Variants in EML4 observed in about 807,000 individuals in gnomAD.
The protein encoded by EML4 is echinoderm microtubule-associated protein-like 4.
In EML4, 72 loss-of-function variants were observed where a neutral mutation model predicts 129.0. That is an observed-to-expected ratio of 0.56 (90% CI 0.46 to 0.68). The LOEUF (loss-of-function observed/expected upper bound fraction) is 0.68, where lower values mean the gene tolerates loss of function less well. EML4 is among the 30% of genes least tolerant of loss of function. The pLI is 0.00. For missense variants in EML4, 1,363 were observed against 1,190.6 expected (o/e 1.14, Z -2.13); for synonymous variants, 532 against 405.0 (o/e 1.31, Z -3.77).
chr2:42,328,329 T>G (rs1401359669), intron 21 of EML4, among the ~76,000 whole-genome samples: 1 of 152,198 alleles, frequency 6.6e-6, no homozygotes, highest in East Asian at 1.9e-4. Context: ...ATAATTAAAT[T>G]TGACGTGTCT....
chr2:42,200,858 G>A (rs534169979), intron 1 of EML4, among the ~76,000 whole-genome samples: 5 of 152,286 alleles, frequency 3.3e-5, no homozygotes, highest in African/African-American at 1.2e-4. Flanking sequence ...GCAGGGGACA[G>A]TAGGGGAAAT....
At chr2:42,296,237 TCTAA>T (rs1335542214) in intron 13 of EML4, among the ~76,000 whole-genome samples, 5 of 152,092 alleles carry the variant, frequency 3.3e-5, no homozygotes, top group Non-Finnish European at 7.4e-5. Flanking sequence ...GAGACCTGGT[TCTAA>T]AACCAGTGGG....
intron 1 of EML4, among the ~76,000 whole-genome samples, chr2:42,194,345 CTCTT>C (rs1484363831): frequency 7.9e-5 from 8 of 100,900 alleles, no homozygotes; most frequent in Admixed American, 2.6e-4. Flanking sequence ...TTCTCTCTCT[CTCTT>C]TTTTTTTTTT....
chr2:42,228,110 A>G (rs552964326), intron 1 of EML4, among the ~76,000 whole-genome samples: 3 of 152,034 alleles, frequency 2.0e-5, no homozygotes, highest in Non-Finnish European at 4.4e-5. Context: ...AATCCCAGCT[A>G]CTCAGGAGGC....
chr2:42,329,898 T>G lies in EML4; in HGVS notation c.2637T>G (p.Thr879=). The G allele has an allele frequency of 6.2e-7, 1 of 1,614,130 alleles. No individual in the cohort carries two copies. The highest frequency in any genetic ancestry group is 8.5e-7 in the Non-Finnish European group (1 of 1,180,034). Residue 879 remains threonine (T), a synonymous_variant, in exon 23 of 23, where the codon ACT becomes ACG. Coordinates refer to ENST00000318522, the MANE Select transcript of EML4 (RefSeq NM_019063.5). ...SLPQNETVAD[T]TLTKAPVSST... ...CTCAGAATGAGACTGTAGCGGATAC[T>G]ACTCTAACCAAAGCCCCCGTCTCTT...
chr2:42,292,822 G>C (rs1455981627), intron 11 of EML4, among the ~76,000 whole-genome samples: 1 of 152,142 alleles, frequency 6.6e-6, no homozygotes, highest in Non-Finnish European at 1.5e-5. Flanking sequence ...CATACGCAAA[G>C]TGATTTAAAC....
At position 42,243,305 on chromosome 2, in the gene EML4, T is replaced by C. The variant is rs117262007; in HGVS notation, c.26-2200T>C. Among the ~76,000 whole-genome samples, 7 of 152,302 alleles carry C rather than the reference T, an allele frequency of 4.6e-5. No homozygotes were observed. In the East Asian group the frequency reaches 1.4e-3, roughly 29 times the overall value. ...AAAGAATAGTGACCATAGTCTAACA[T>C]ACTTACAAAGAATATAGATCAGCTA... On this transcript the variant is annotated intron_variant, in intron 1 of 22. Transcript: ENST00000318522.
chr2:42,249,253 A>C (rs1675613316), intron 2 of EML4, among the ~76,000 whole-genome samples: 1 of 151,374 alleles, frequency 6.6e-6, no homozygotes, highest in African/African-American at 2.4e-5. Context: ...TTAATTAAAA[A>C]GTAAAGTCAT....
intron 11 of EML4, 152 bp from the exon 12 acceptor site, chr2:42,294,973 A>T (rs530999422): frequency 3.4e-5 from 21 of 621,040 alleles, no homozygotes; most frequent in Non-Finnish European, 5.3e-5. Flanking sequence ...CAAAAAATAC[A>T]TTATCAAAAT....
chr2:42,286,399 G>C lies in EML4; in HGVS notation c.1122+20G>C, dbSNP rs757439343. The C allele has an allele frequency of 1.4e-6, 2 of 1,426,000 alleles. No individual in the cohort carries two copies. Among genetic ancestry groups the C allele is most frequent in the African/African-American group, 2.8e-5 (2 of 71,324 alleles). 88.3% of individuals were successfully genotyped at this position (1,426,000 alleles called of 1,614,324 possible). A position where few individuals can be genotyped will look rare whatever the true frequency, so the allele number is the denominator to read the frequency against. On this transcript the variant is annotated intron_variant, in intron 10 of 22. Coordinates refer to ENST00000318522, the MANE Select transcript of EML4 (RefSeq NM_019063.5). ...AAAGCAGTAAGTAACAATTTTTAGA[G>C]AAGTAAGCAAGCTGAACAAAAAAGC...
intron 4 of EML4, among the ~76,000 whole-genome samples, chr2:42,262,206 C>T (rs189545913): frequency 3.3e-5 from 5 of 152,088 alleles, no homozygotes; most frequent in South Asian, 2.1e-4. Flanking sequence ...TGCCTCAAAT[C>T]GCTAATGGAA....
At chr2:42,286,081 CTATTTTCT>C in intron 9 of EML4, 180 bp from the exon 10 acceptor site, 2 of 625,876 alleles carry the variant, frequency 3.2e-6, no homozygotes, top group Non-Finnish European at 5.8e-6. Flanking sequence ...TTATTTGCTG[CTATTTTCT>C]TATTTTCACA....
chr2:42,286,600 A>G (rs1474215081), intron 10 of EML4, among the ~76,000 whole-genome samples: 1 of 152,224 alleles, frequency 6.6e-6, no homozygotes, highest in African/African-American at 2.4e-5. Context: ...TACTTTAATT[A>G]TTCTTGGAAT....
chr2:42,219,795 G>A (rs749089955), intron 1 of EML4, among the ~76,000 whole-genome samples: 2 of 151,034 alleles, frequency 1.3e-5, no homozygotes, highest in Admixed American at 6.6e-5. Context: ...CGTAAGGGGC[G>A]CATGTCTGTA....
At chr2:42,207,389 G>A (rs1447378267) in intron 1 of EML4, among the ~76,000 whole-genome samples, 1 of 152,076 alleles carries the variant, frequency 6.6e-6, no homozygotes, top group East Asian at 1.9e-4. Flanking sequence ...GTGTCTTAGG[G>A]TTGTTTGCCT....
At chr2:42,200,356 A>G (rs1410386323) in intron 1 of EML4, among the ~76,000 whole-genome samples, 1 of 151,884 alleles carries the variant, frequency 6.6e-6, no homozygotes, top group African/African-American at 2.4e-5. Flanking sequence ...CTGTGTAGAC[A>G]AGGGGAAAAA....
chr2:42,263,757 G>A (rs1402156639), intron 5 of EML4, among the ~76,000 whole-genome samples: 1 of 150,038 alleles, frequency 6.7e-6, no homozygotes, highest in East Asian at 2.0e-4. Flanking sequence ...CTCTTATGGA[G>A]TCTCACTCTG....
chr2:42,229,921 A>G (rs1232570847), intron 1 of EML4, among the ~76,000 whole-genome samples: 1 of 150,178 alleles, frequency 6.7e-6, no homozygotes, highest in Non-Finnish European at 1.5e-5. Flanking sequence ...GAAAGGGGAT[A>G]TTCAGAGAAA....
At chr2:42,273,018 C>G (rs1339298854) in intron 6 of EML4, among the ~76,000 whole-genome samples, 1 of 152,094 alleles carries the variant, frequency 6.6e-6, no homozygotes, top group African/African-American at 2.4e-5. Context: ...TCCTGATTGC[C>G]TCCCTGCTAT....
Sources: gnomAD v4.1 joint callset for allele counts (sites outside exome capture counted in the v4.1 genomes callset) on GRCh38, gnomAD v4.1.1 for gene constraint, MANE v1.5 for transcripts, NCBI Gene and HGNC (gene_info 2026-07-23, HGNC 2026-07-21) for gene names.